The following IGF2R variants were observed in gnomAD, a reference collection of about 807,000 sequenced individuals.
IGF2R encodes insulin like growth factor 2 receptor.
Under a neutral mutation model 270.6 loss-of-function variants are expected in IGF2R, and 91 were observed. The observed-to-expected ratio is 0.34, with a 90% CI of 0.28 to 0.40. The LOEUF (loss-of-function observed/expected upper bound fraction) is 0.40. Among genes scored for constraint, IGF2R ranks in the 10% least tolerant of loss-of-function variants. The probability of loss-of-function intolerance (pLI) is 1.00; values close to 1 mark genes in which losing one functional copy is unlikely to be tolerated. For synonymous variants in IGF2R, 1,316 were observed against 1,258.9 expected, an observed-to-expected ratio of 1.05 and a Z score of -0.96; for missense variants, 2,805 against 3,188.3, an observed-to-expected ratio of 0.88 and a Z score of 2.90.
At chr6:160,073,062 C>G in intron 33 of IGF2R, 151 bp from the exon 34 acceptor site, 1 of 1,331,540 alleles carries the variant, frequency 7.5e-7, no homozygotes, top group Non-Finnish European at 1.0e-6. Flanking sequence ...AATGAACATT[C>G]AATGTAAAAC....
chr6:159,969,818 G>A (rs1040235967), intron 1 of IGF2R, among the ~76,000 whole-genome samples: 3 of 152,324 alleles, frequency 2.0e-5, no homozygotes, highest in African/African-American at 4.8e-5. Context: ...CACCGGTGAG[G>A]CCCCTCGGTG....
chr6:160,063,634 C>G lies in IGF2R; in HGVS notation c.3886+4C>G. 1 of 1,604,284 alleles carries G rather than the reference C, an allele frequency of 6.2e-7. No homozygotes were observed. The highest frequency in any genetic ancestry group is 8.5e-7 in the Non-Finnish European group (1 of 1,173,250). On this transcript the variant is annotated splice_donor_region_variant and intron_variant, in intron 27 of 47. Coordinates refer to ENST00000356956, the MANE Select transcript of IGF2R (RefSeq NM_000876.4). ...CAGGGATTTCACAAAGTGGCAGGTACCATTGTTTGTCGTTTTCCTTTTGTT... is the reference window on the plus strand; with the variant it reads ...CAGGGATTTCACAAAGTGGCAGGTAGCATTGTTTGTCGTTTTCCTTTTGTT...
intron 39 of IGF2R, 135 bp downstream of exon 39, chr6:160,080,410 C>A: frequency 3.4e-6 from 3 of 885,852 alleles, no homozygotes; most frequent in Non-Finnish European, 5.0e-6. Context: ...CTTACTCGGG[C>A]TGTTTCCCAC....
At chr6:160,014,916 C>T (rs1562344054) in intron 4 of IGF2R, among the ~76,000 whole-genome samples, 1 of 152,220 alleles carries the variant, frequency 6.6e-6, no homozygotes, top group Non-Finnish European at 1.5e-5. Flanking sequence ...GTTCTAACTT[C>T]CTCCATTATT....
intron 2 of IGF2R, among the ~76,000 whole-genome samples, chr6:159,996,648 G>A (rs753641374): frequency 3.9e-5 from 6 of 152,168 alleles, no homozygotes; most frequent in Non-Finnish European, 7.3e-5. Flanking sequence ...CCCCGTCCTG[G>A]CGCTGGGAAT....
chr6:159,981,418 G>C (rs375205726), intron 1 of IGF2R, among the ~76,000 whole-genome samples: 4 of 152,128 alleles, frequency 2.6e-5, no homozygotes, highest in African/African-American at 9.7e-5. Context: ...CCGGACAGGG[G>C]CCTGCCCGTC....
chr6:160,083,059 C>T (rs538870989), intron 39 of IGF2R, among the ~76,000 whole-genome samples: 12 of 152,308 alleles, frequency 7.9e-5, no homozygotes, highest in East Asian at 3.9e-4. Flanking sequence ...GGACCTGCAC[C>T]GGCATCGGCC....
intron 2 of IGF2R, among the ~76,000 whole-genome samples, chr6:159,991,663 C>G (rs1783981881): frequency 6.6e-6 from 1 of 152,146 alleles, no homozygotes; most frequent in Admixed American, 6.5e-5. Context: ...ACATTCTCCC[C>G]CAGCCCACAT....
At chr6:159,997,480 C>G (rs1330110021) in intron 2 of IGF2R, among the ~76,000 whole-genome samples, 1 of 152,092 alleles carries the variant, frequency 6.6e-6, no homozygotes, top group Non-Finnish European at 1.5e-5. Context: ...CAGGAAGTCC[C>G]CAAATTGCTG....
intron 1 of IGF2R, among the ~76,000 whole-genome samples, chr6:159,988,387 T>C (rs1583244143): frequency 6.6e-6 from 1 of 151,562 alleles, no homozygotes. Flanking sequence ...TGGTGGTGGG[T>C]GCCTGTAGTG....
intron 23 of IGF2R, among the ~76,000 whole-genome samples, chr6:160,061,190 AAG>A (rs1366479666): frequency 6.6e-6 from 1 of 152,132 alleles, no homozygotes; most frequent in Non-Finnish European, 1.5e-5. Flanking sequence ...TTTTTCTTTA[AAG>A]AGTCTTTAGG....
At chr6:160,085,153 C>T in intron 41 of IGF2R, 22 bp downstream of exon 41, 2 of 1,610,302 alleles carry the variant, frequency 1.2e-6, no homozygotes, top group Non-Finnish European at 1.7e-6. Context: ...GGGTCCTGGT[C>T]CTTGGTTCAA....
intron 1 of IGF2R, among the ~76,000 whole-genome samples, chr6:159,989,568 G>A (rs1181635714): frequency 6.6e-6 from 1 of 152,188 alleles, no homozygotes; most frequent in Non-Finnish European, 1.5e-5. Context: ...ATACTGTTGA[G>A]TTAAATAACA....
intron 1 of IGF2R, among the ~76,000 whole-genome samples, chr6:159,973,737 A>G (rs1240963790): frequency 1.3e-5 from 2 of 152,252 alleles, no homozygotes; most frequent in Non-Finnish European, 2.9e-5. Context: ...TTCCCAGGAA[A>G]TGAATGCCTG....
rs1358917684 is a variant in IGF2R, at chr6:160,106,632, T to G, written c.*1548T>G. ...CTGCCTGCCTGTCTTTTCTTTCTGT[T>G]AAGTGACTGAATTTGGGTTTTAACT... On this transcript the variant is annotated 3_prime_UTR_variant, in exon 48 of 48. Transcript: ENST00000356956. 1 of 152,238 alleles carries G rather than the reference T, an allele frequency of 6.6e-6. No individual in the cohort carries two copies. Among genetic ancestry groups the G allele is most frequent in the Non-Finnish European group, 1.5e-5 (1 of 68,040 alleles). 9.4% of individuals were successfully genotyped at this position (152,238 alleles called of 1,614,324 possible).
At chr6:160,056,621 C>T in intron 20 of IGF2R, 96 bp downstream of exon 20, 1 of 810,028 alleles carries the variant, frequency 1.2e-6, no homozygotes, top group Non-Finnish European at 2.2e-6. Context: ...CCTGCCCCTT[C>T]TTTCTGAATC....
chr6:160,030,384 T>A (rs1387624049), intron 7 of IGF2R, among the ~76,000 whole-genome samples: 1 of 152,162 alleles, frequency 6.6e-6, no homozygotes, highest in Non-Finnish European at 1.5e-5. Context: ...CACACTCCCC[T>A]TCCCCCAAGC....
At chr6:159,971,412 A>C (rs1171809404) in intron 1 of IGF2R, among the ~76,000 whole-genome samples, 1 of 152,216 alleles carries the variant, frequency 6.6e-6, no homozygotes, top group African/African-American at 2.4e-5. Context: ...TGAGGTTGAT[A>C]TGCATTGTGA....
chr6:160,047,975 A>G, intron 17 of IGF2R, 68 bp downstream of exon 17: 1 of 1,026,940 alleles, frequency 9.7e-7, no homozygotes, highest in South Asian at 1.3e-5. Context: ...GTTGCTGGTG[A>G]GCGTGTGACT....
Sources: allele counts gnomAD v4.1 joint callset (sites outside exome capture counted in the v4.1 genomes callset), GRCh38; gene constraint gnomAD v4.1.1; transcripts MANE v1.5; gene names NCBI Gene and HGNC (gene_info 2026-07-23, HGNC 2026-07-21).